Variants in RTTN observed in about 807,000 individuals in gnomAD.
The protein encoded by RTTN is rotatin.
Under a neutral mutation model 269.2 loss-of-function variants are expected in RTTN, and 182 were observed. That is an observed-to-expected ratio of 0.68 (90% CI 0.60 to 0.76). The LOEUF is 0.76. Among genes scored for constraint, RTTN ranks in the 30% least tolerant of loss-of-function variants. The pLI, the probability that RTTN is intolerant of heterozygous loss-of-function variation, is 0.00. For missense variants in RTTN, 2,545 were observed against 2,608.6 expected (o/e 0.98, Z 0.53); for synonymous variants, 1,006 against 963.5 (o/e 1.04, Z -0.82).
intron 46 of RTTN, among the ~76,000 whole-genome samples, chr18:70,013,793 A>G (rs1004283379): frequency 1.3e-5 from 2 of 152,166 alleles, no homozygotes; most frequent in African/African-American, 2.4e-5. Flanking sequence ...TTAATGTCTT[A>G]GAAAAGTTCT....
rs776041355 is a variant in RTTN, at chr18:70,054,189, C to T, written c.5127G>A (p.Val1709=). ...CAATGATATTGGTGATAAGAGGTTTCACAAGCTCATCCTGAATCACAAGGT... is the reference window on the plus strand; with the variant it reads ...CAATGATATTGGTGATAAGAGGTTTTACAAGCTCATCCTGAATCACAAGGT... ...EPDLVIQDEL[V]KPLITNIIGI... Residue 1709 remains valine (V), a synonymous_variant, in exon 38 of 49, where the codon GTG becomes GTA. Transcript: ENST00000640769. 1.7e-5 allele frequency: 28 copies of T among 1,613,810 alleles called. No individual in the cohort carries two copies. In the South Asian group the frequency reaches 2.7e-4, roughly 16 times the overall value.
At position 70,170,914 on chromosome 18, in the gene RTTN, C is replaced by T. The variant is rs116647684; in HGVS notation, c.1477-1847G>A. ...TATGAGCAAAAGAAAGGAATCAAGGCTGACTCTAAGGTTTTTGCCTGATCA... is the reference window on the plus strand; with the variant it reads ...TATGAGCAAAAGAAAGGAATCAAGGTTGACTCTAAGGTTTTTGCCTGATCA... On this transcript the variant is annotated intron_variant, in intron 11 of 48. Transcript: ENST00000640769. Among the ~76,000 whole-genome samples the T allele has an allele frequency of 3.6e-3, 550 of 152,166 alleles. 4 individuals carry two copies. Among genetic ancestry groups the T allele is most frequent in the African/African-American group, 0.013 (528 of 41,498 alleles).
chr18:70,030,255 T>C, intron 41 of RTTN, 146 bp from the exon 42 acceptor site: 1 of 578,154 alleles, frequency 1.7e-6, no homozygotes, highest in East Asian at 2.9e-5. Flanking sequence ...GATTAATGAA[T>C]CAGAGGGGGG....
rs36147576 is a variant in RTTN at position 70,112,483 on chromosome 18, C to CAAAAAAAA, written c.3683+1954_3683+1961dup. Among the ~76,000 whole-genome samples, 148 of 67,986 alleles carry CAAAAAAAA rather than the reference C, an allele frequency of 2.2e-3. 4 individuals carry two copies. Among genetic ancestry groups the CAAAAAAAA allele is most frequent in the East Asian group, 3.8e-3 (6 of 1,572 alleles). 44.6% of individuals were successfully genotyped at this position (67,986 alleles called of 152,430 possible). On this transcript the variant is annotated intron_variant, in intron 27 of 48. Coordinates refer to ENST00000640769, the MANE Select transcript of RTTN (RefSeq NM_173630.4). ...GATGATTTATCAAGCAAATGGAAAGCAAAAAAAAAAAAAAAAAAGCAAGAG... is the reference window on the plus strand; with the variant it reads ...GATGATTTATCAAGCAAATGGAAAGCAAAAAAAAAAAAAAAAAAAAAAAAAAGCAAGAG...
At chr18:70,086,223 A>G (rs1446257024) in intron 32 of RTTN, among the ~76,000 whole-genome samples, 1 of 152,194 alleles carries the variant, frequency 6.6e-6, no homozygotes, top group Non-Finnish European at 1.5e-5. Flanking sequence ...CTAGACTCAA[A>G]GCAAAGGCGT....
intron 6 of RTTN, 83 bp from the exon 7 acceptor site, chr18:70,196,731 G>GCT: frequency 2.3e-6 from 3 of 1,324,156 alleles, no homozygotes; most frequent in Non-Finnish European, 3.2e-6. Context: ...AAGTAAGTAA[G>GCT]CCTAAGTGAA....
chr18:70,006,690 G>A (rs2056199658), intron 46 of RTTN: 1 of 524,616 alleles, frequency 1.9e-6, no homozygotes, highest in South Asian at 2.5e-5. Context: ...AGGCATAGAA[G>A]GGTCAAAGAC....
chr18:70,078,483 A>G (rs1041180656), intron 32 of RTTN, among the ~76,000 whole-genome samples: 3 of 152,028 alleles, frequency 2.0e-5, no homozygotes, highest in Non-Finnish European at 4.4e-5. Flanking sequence ...ATGAGACATG[A>G]TATGGACCCA....
chr18:70,201,109 C>T (rs192440553), intron 4 of RTTN, among the ~76,000 whole-genome samples: 3 of 152,266 alleles, frequency 2.0e-5, no homozygotes, highest in African/African-American at 7.2e-5. Flanking sequence ...CAGCCAGATA[C>T]AAAAAGATGG....
At chr18:70,173,491 C>CAAAAAAAAAAAAAAAAAAAAAAAAAA (rs397974179) in intron 11 of RTTN, among the ~76,000 whole-genome samples, 1 of 48,510 alleles carries the variant, frequency 2.1e-5, no homozygotes. Context: ...GACTCCAACT[C>CAAAAAAAAAAAAAAAAAAAAAAAAAA]AAAAAAAAAA....
intron 8 of RTTN, among the ~76,000 whole-genome samples, chr18:70,191,485 T>A (rs946250897): frequency 1.3e-5 from 2 of 152,202 alleles, no homozygotes; most frequent in African/African-American, 4.8e-5. Context: ...AAAAACCTCA[T>A]GGGAAATGTA....
intron 28 of RTTN, among the ~76,000 whole-genome samples, chr18:70,108,332 T>C (rs1399555222): frequency 6.6e-6 from 1 of 151,654 alleles, no homozygotes; most frequent in Non-Finnish European, 1.5e-5. Context: ...AAAAGAAAAC[T>C]GCAAACCAAG....
chr18:70,124,241 T>A (rs10782039), intron 25 of RTTN, among the ~76,000 whole-genome samples: 37 of 152,022 alleles, frequency 2.4e-4, no homozygotes, highest in African/African-American at 8.4e-4. Flanking sequence ...AACAAAAAAC[T>A]TACGAATAAT....
intron 10 of RTTN, among the ~76,000 whole-genome samples, chr18:70,184,705 TTTTTTTTTTTTTG>T (rs1325045416): frequency 2.0e-5 from 1 of 49,010 alleles, no homozygotes; most frequent in Non-Finnish European, 3.8e-5. Context: ...CACAGCAGGT[TTTTTTTTTTTTTG>T]TGTGTGTGTG....
chr18:70,082,717 G>A (rs1049544194), intron 32 of RTTN, among the ~76,000 whole-genome samples: 1 of 152,082 alleles, frequency 6.6e-6, no homozygotes, highest in Admixed American at 6.6e-5. Context: ...TAGAGACAGG[G>A]TTTTGTTCTG....
In RTTN at chr18:70,092,723, A is replaced by G; in HGVS notation, c.3985T>C (p.Cys1329Arg). The change falls in exon 29 of 49, where the codon TGC (cysteine) becomes CGC (arginine). Residue 1329 changes from cysteine to arginine, a missense_variant. By Grantham distance (180) the Cys-to-Arg change is radical (BLOSUM62 -3). Coordinates refer to ENST00000640769, the MANE Select transcript of RTTN (RefSeq NM_173630.4). The stretch of plus-strand genomic sequence containing the variant: ...ATCTCATGGGATAAGTGAAGCAAGC[A>G]AAGAATTGTGCTCTTTGTAACACCT... ...GKGVTKSTILCLLHLSHEMMA... is the reference protein window; with the variant it reads ...GKGVTKSTILRLLHLSHEMMA... The G allele has an allele frequency of 6.2e-7, 1 of 1,613,812 alleles. No homozygotes were observed. Among genetic ancestry groups the G allele is most frequent in the Non-Finnish European group, 8.5e-7 (1 of 1,179,750 alleles).
chr18:70,119,720 A>G (rs2059688493), intron 26 of RTTN, among the ~76,000 whole-genome samples: 1 of 152,230 alleles, frequency 6.6e-6, no homozygotes, highest in African/African-American at 2.4e-5. Context: ...TCAGTCTATA[A>G]ATATACTTGC....
At chr18:70,025,060 G>T (rs2056816018) in intron 43 of RTTN, among the ~76,000 whole-genome samples, 2 of 152,222 alleles carry the variant, frequency 1.3e-5, no homozygotes, top group South Asian at 4.1e-4. Context: ...CACCAGGGTG[G>T]TTAAGATGTA....
chr18:70,147,934 C>A (rs1324050100), intron 17 of RTTN, among the ~76,000 whole-genome samples: 3 of 152,110 alleles, frequency 2.0e-5, no homozygotes, highest in African/African-American at 7.2e-5. Flanking sequence ...TAGAAGACAA[C>A]CCCTGAGAAC....
Sources: gnomAD v4.1 joint callset for allele counts (sites outside exome capture counted in the v4.1 genomes callset) on GRCh38, gnomAD v4.1.1 for gene constraint, MANE v1.5 for transcripts, NCBI Gene and HGNC (gene_info 2026-07-23, HGNC 2026-07-21) for gene names.